KCNQ1: variants seen among roughly 807,000 people sequenced by gnomAD.
The protein encoded by KCNQ1 is potassium voltage-gated channel subfamily Q member 1, also known as potassium voltage-gated channel subfamily KQT member 1.
Under a neutral mutation model 72.4 loss-of-function variants are expected in KCNQ1, and 49 were observed. That is an observed-to-expected ratio of 0.68 (90% CI 0.54 to 0.86). The LOEUF is 0.86. Among genes scored for constraint, KCNQ1 ranks in the 40% least tolerant of loss-of-function variants. The pLI is 0.00. For missense variants in KCNQ1, 790 were observed against 945.1 expected (o/e 0.84, Z 2.15); for synonymous variants, 450 against 412.6 (o/e 1.09, Z -1.10).
chr11:2,573,547 G>C (rs1262705066), intron 6 of KCNQ1, among the ~76,000 whole-genome samples: 2 of 152,232 alleles, frequency 1.3e-5, no homozygotes, highest in African/African-American at 4.8e-5. Flanking sequence ...GGGCCTGCAA[G>C]TTCTGGAGCC....
In KCNQ1 at chr11:2,782,579, G is replaced by A. The variant is rs1846841854; in HGVS notation, c.1794+4542G>A. On this transcript the variant is annotated intron_variant, in intron 15 of 15. Coordinates refer to ENST00000155840, the MANE Select transcript of KCNQ1 (RefSeq NM_000218.3). This position sits in a 1 kb window ranked among gnomAD's most constrained non-coding sequence, Gnocchi z 6.1. ...AAAGGTAAAGACATCTAGGCCTGGT[G>A]TTTTCTTTGTGGGAAGATTCATCAT... Among the ~76,000 whole-genome samples, 1 of 152,138 alleles carries A rather than the reference G, an allele frequency of 6.6e-6. No homozygotes were observed. The highest frequency in any genetic ancestry group is 1.5e-5 in the Non-Finnish European group (1 of 68,032).
At position 2,715,588 on chromosome 11, in the gene KCNQ1, G is replaced by A. The variant is rs907713859; in HGVS notation, c.1515-53256G>A. Reference sequence around the variant, plus strand: ...GCCTTCCTCTTCCACCACCCCTGCTGGGGTCCCCTGGGACCCATCCTTCCA... The same window carrying A: ...GCCTTCCTCTTCCACCACCCCTGCTAGGGTCCCCTGGGACCCATCCTTCCA... On this transcript the variant is annotated intron_variant, in intron 11 of 15. Transcript: ENST00000155840. The surrounding 1 kb of genome is among the most constrained non-coding windows in gnomAD (Gnocchi z 4.9). Among the ~76,000 whole-genome samples, 5 of 152,136 alleles carry A rather than the reference G, an allele frequency of 3.3e-5. No homozygotes were observed. The highest frequency in any genetic ancestry group is 2.1e-4 in the South Asian group (1 of 4,834).
chr11:2,656,003 C>A (rs767394530), intron 10 of KCNQ1: 13 of 398,512 alleles, frequency 3.3e-5, no homozygotes, highest in Non-Finnish European at 4.0e-5. Flanking sequence ...ATTTTAATTT[C>A]CTAAAACACC....
chr11:2,693,544 T>C, intron 11 of KCNQ1: 1 of 398,580 alleles, frequency 2.5e-6, no homozygotes, highest in Non-Finnish European at 4.4e-6. Flanking sequence ...GCTAGGGAGG[T>C]TGAGCCCAAG....
At chr11:2,686,637 G>A (rs1425264813) in intron 11 of KCNQ1, 4 of 398,548 alleles carry the variant, frequency 1.0e-5, no homozygotes, top group African/African-American at 8.2e-5. Context: ...TCAGGCCCAG[G>A]CTGCACAGAG....
At chr11:2,472,825 G>T (rs1207498485) in intron 1 of KCNQ1, among the ~76,000 whole-genome samples, 1 of 152,120 alleles carries the variant, frequency 6.6e-6, no homozygotes, top group African/African-American at 2.4e-5. Context: ...CATGCTGTGG[G>T]TGGAGGCAGA....
Position 2,497,965 on chromosome 11 carries a change from C to T in KCNQ1, c.387-29963C>T, listed in dbSNP as rs901320994. On this transcript the variant is annotated intron_variant, in intron 1 of 15. Transcript: ENST00000155840. The surrounding 1 kb of genome is among the most constrained non-coding windows in gnomAD (Gnocchi z 4.5). ...TCTGCTGCAGTTTGCTGGAGGTCCA[C>T]TCCAGACCCTGTTTGCCTGGGTATC... Among the ~76,000 whole-genome samples the T allele has an allele frequency of 6.6e-6, 1 of 152,240 alleles. No individual in the cohort carries two copies. The highest frequency in any genetic ancestry group is 1.5e-5 in the Non-Finnish European group (1 of 68,040).
In KCNQ1 at chr11:2,647,997, T is replaced by G; in HGVS notation, c.1394-13964T>G. 2.5e-6 allele frequency: 1 copy of G among 397,232 alleles called. No individual in the cohort carries two copies. The highest frequency in any genetic ancestry group is 3.6e-5 in the East Asian group (1 of 28,040). The allele number at this position is 397,232 out of a possible 1,614,324, so 24.6% of individuals were successfully genotyped here. On this transcript the variant is annotated intron_variant, in intron 10 of 15. Coordinates refer to ENST00000155840, the MANE Select transcript of KCNQ1 (RefSeq NM_000218.3). The surrounding 1 kb of genome is among the most constrained non-coding windows in gnomAD (Gnocchi z 4.0). ...GGAAGGCCAAGGCAGGCCGATCGCTTGAGTCCAGGAGTTTGAGACCAGCCT... is the reference window on the plus strand; with the variant it reads ...GGAAGGCCAAGGCAGGCCGATCGCTGGAGTCCAGGAGTTTGAGACCAGCCT...
In KCNQ1 at chr11:2,457,636, G is replaced by T. The variant is rs1207207518; in HGVS notation, c.386+12152G>T. On this transcript the variant is annotated intron_variant, in intron 1 of 15. Coordinates refer to ENST00000155840, the MANE Select transcript of KCNQ1 (RefSeq NM_000218.3). This position sits in a 1 kb window ranked among gnomAD's most constrained non-coding sequence, Gnocchi z 5.0. ...ACTGGGGAATACAAGAGTGGGGAGGGGGGAAGGGGAGCAAGGTTTGAAAAG... is the reference window on the plus strand; with the variant it reads ...ACTGGGGAATACAAGAGTGGGGAGGTGGGAAGGGGAGCAAGGTTTGAAAAG... Among the ~76,000 whole-genome samples the T allele has an allele frequency of 3.3e-5, 5 of 151,788 alleles. No homozygotes were observed. The highest frequency in any genetic ancestry group is 3.3e-4 in the Admixed American group (5 of 15,258).
At chr11:2,726,120 A>G (rs1845757649) in intron 11 of KCNQ1, among the ~76,000 whole-genome samples, 1 of 152,086 alleles carries the variant, frequency 6.6e-6, no homozygotes, top group African/African-American at 2.4e-5. Flanking sequence ...GCCTCTTGGG[A>G]GCCCACTAAG....
chr11:2,799,375 A>AGTGTGTGTGTGTGT (rs3079043), intron 15 of KCNQ1, among the ~76,000 whole-genome samples: 1,561 of 147,376 alleles, frequency 0.011, 72 homozygotes, highest in Admixed American at 0.076. Context: ...TGTAAGTTCG[A>AGTGTGTGTGTGTGT]GTGTGTGTGT....
chr11:2,699,660 C>CCCCGGGGAGAACCGCGCCGAAGAACA, intron 11 of KCNQ1: 1 of 359,478 alleles, frequency 2.8e-6, no homozygotes, highest in Admixed American at 4.7e-5. Context: ...GCCGAAGAAC[C>CCCCGGGGAGAACCGCGCCGAAGAACA]CCCGGGGAGA....
At position 2,492,966 on chromosome 11, in the gene KCNQ1, CCCA is replaced by C. The variant is rs1017045453; in HGVS notation, c.387-34958_387-34956del. Among the ~76,000 whole-genome samples the C allele has an allele frequency of 1.2e-4, 19 of 152,178 alleles. No homozygotes were observed. Among genetic ancestry groups the C allele is most frequent in the African/African-American group, 4.6e-4 (19 of 41,440 alleles). ...CACAATGGTTGAACTAATTTACACT[CCCA>C]CCAACAGTGTAAAAGCGTTCCTATT... On this transcript the variant is annotated intron_variant, in intron 1 of 15. Transcript: ENST00000155840. This position sits in a 1 kb window ranked among gnomAD's most constrained non-coding sequence, Gnocchi z 4.1.
intron 13 of KCNQ1, 151 bp from the exon 14 acceptor site, chr11:2,776,835 C>A (rs1590082087): frequency 1.3e-6 from 1 of 764,944 alleles, no homozygotes; most frequent in East Asian, 2.7e-5. Context: ...TTGGGAGTGA[C>A]CTGGCAGGCC....
At chr11:2,730,639 G>A (rs1459206223) in intron 11 of KCNQ1, among the ~76,000 whole-genome samples, 2 of 152,312 alleles carry the variant, frequency 1.3e-5, no homozygotes, top group East Asian at 1.9e-4. Flanking sequence ...TTGTCCCTAG[G>A]CATCCAGTGC....
intron 15 of KCNQ1, among the ~76,000 whole-genome samples, chr11:2,807,145 C>T (rs1037324015): frequency 6.6e-6 from 1 of 152,244 alleles, no homozygotes; most frequent in Non-Finnish European, 1.5e-5. Flanking sequence ...GTTTGGAAGT[C>T]TGCTAATTAT....
intron 1 of KCNQ1, among the ~76,000 whole-genome samples, chr11:2,460,920 T>C (rs1168978238): frequency 6.6e-6 from 1 of 152,204 alleles, no homozygotes; most frequent in East Asian, 1.9e-4. Context: ...GTCGGTCTTG[T>C]CTGCTGCATG....
At chr11:2,542,008 T>C (rs1041589381) in intron 2 of KCNQ1, among the ~76,000 whole-genome samples, 1 of 152,170 alleles carries the variant, frequency 6.6e-6, no homozygotes, top group Non-Finnish European at 1.5e-5. Flanking sequence ...GCTGTCGCCG[T>C]GCCTGCTGTG....
chr11:2,684,906 G>C, intron 11 of KCNQ1: 1 of 398,688 alleles, frequency 2.5e-6, no homozygotes, highest in Non-Finnish European at 4.4e-6. Context: ...TCATAAGGTA[G>C]GTAAGTTTGT....
Sources: gnomAD v4.1 joint callset for allele counts (sites outside exome capture counted in the v4.1 genomes callset) on GRCh38, gnomAD v4.1.1 for gene constraint, Gnocchi (gnomAD v3.1) non-coding constraint, MANE v1.5 for transcripts, NCBI Gene and HGNC (gene_info 2026-07-23, HGNC 2026-07-21) for gene names.